BICRA: variants seen among roughly 807,000 people sequenced by gnomAD.
The protein encoded by BICRA is BRD4-interacting chromatin-remodeling complex-associated protein.
Under a neutral mutation model 96.9 loss-of-function variants are expected in BICRA, and 31 were observed. The ratio of observed to expected loss-of-function variants is 0.32; its 90% CI spans 0.24 to 0.43. The LOEUF (loss-of-function observed/expected upper bound fraction) is 0.43. Among genes scored for constraint, BICRA ranks in the 20% least tolerant of loss-of-function variants. The pLI is 1.00. For synonymous variants in BICRA, 1,350 were observed against 1,071.8 expected, an observed-to-expected ratio of 1.26 and a Z score of -5.07; for missense variants, 2,283 against 2,190.3, an observed-to-expected ratio of 1.04 and a Z score of -0.84.
At chr19:47,623,199 G>T (rs1269908608) in intron 1 of BICRA, among the ~76,000 whole-genome samples, 2 of 152,058 alleles carry the variant, frequency 1.3e-5, no homozygotes. Flanking sequence ...CTCCTGTGCT[G>T]GAGTGAATTG....
At chr19:47,617,074 C>A (rs183334289) in intron 1 of BICRA, among the ~76,000 whole-genome samples, 1 of 65,982 alleles carries the variant, frequency 1.5e-5, no homozygotes, top group Non-Finnish European at 3.2e-5. Context: ...GCAATCCACC[C>A]GCCTCAGCTT....
rs758154095 is a variant in BICRA, at chr19:47,701,611, C to T, written c.3879C>T (p.Asn1293=). The T allele has an allele frequency of 3.8e-6, 6 of 1,563,814 alleles. No homozygotes were observed. The African/African-American group carries it at 6.8e-5, about 18-fold the overall frequency. ...ADEDGPMPSR[N]RPPIKTYEAR... is the part of the protein sequence containing the mutation. ...AGGACGGCCCCATGCCCTCCCGCAA[C>T]CGCCCGCCCATCAAGACCTACGAGG... The change falls in exon 15 of 15, where the codon AAC becomes AAT. Residue 1293 remains asparagine (N), a synonymous_variant. Coordinates refer to ENST00000594866, the MANE Select transcript of BICRA (RefSeq NM_001394372.1). The surrounding 1 kb of genome is among the most constrained non-coding windows in gnomAD (Gnocchi z 5.4).
intron 4 of BICRA, among the ~76,000 whole-genome samples, chr19:47,674,634 G>T (rs1469271295): frequency 6.6e-6 from 1 of 152,192 alleles, no homozygotes; most frequent in Non-Finnish European, 1.5e-5. Flanking sequence ...TGTAGGCTGG[G>T]GCTGCAGTCA....
chr19:47,637,335 G>T (rs1972314736), intron 1 of BICRA, among the ~76,000 whole-genome samples: 1 of 151,892 alleles, frequency 6.6e-6, no homozygotes, highest in Non-Finnish European at 1.5e-5. Context: ...TAGCCAGGAT[G>T]GTCTCAGTCT....
chr19:47,680,157 A>C lies in BICRA; in HGVS notation c.987A>C (p.Pro329=). 1 of 1,529,270 alleles carries C rather than the reference A, an allele frequency of 6.5e-7. No individual in the cohort carries two copies. The highest frequency in any genetic ancestry group is 8.7e-7 in the Non-Finnish European group (1 of 1,147,062). 94.7% of individuals were successfully genotyped at this position (1,529,270 alleles called of 1,614,324 possible). ...TPSGQPLAVA[P]GLGSSPLVPA... ...CGGGACAGCCGCTGGCGGTGGCCCCAGGCCTCGGCTCGTCGCCACTGGTCC... is the reference window on the plus strand; with the variant it reads ...CGGGACAGCCGCTGGCGGTGGCCCCCGGCCTCGGCTCGTCGCCACTGGTCC... Residue 329 remains proline, a synonymous_variant, in exon 6 of 15, where the codon CCA becomes CCC. Coordinates refer to ENST00000594866, the MANE Select transcript of BICRA (RefSeq NM_001394372.1).
intron 7 of BICRA, among the ~76,000 whole-genome samples, chr19:47,686,232 A>T (rs1973157077): frequency 6.6e-6 from 1 of 151,892 alleles, no homozygotes; most frequent in Non-Finnish European, 1.5e-5. Context: ...TGCCCGGCAC[A>T]AGAATTTCAT....
chr19:47,693,632 G>A (rs1973274544), intron 7 of BICRA, among the ~76,000 whole-genome samples: 1 of 152,236 alleles, frequency 6.6e-6, no homozygotes, highest in South Asian at 2.1e-4. Context: ...GACTTGGCTG[G>A]ATGGGCTGGT....
rs775730252 is a variant in BICRA at position 47,682,075 on chromosome 19, G to A, written c.2206G>A (p.Ala736Thr). The change falls in exon 7 of 15, where the codon GCC (alanine) becomes ACC (threonine). Residue 736 changes from alanine to threonine, a missense_variant. Coordinates refer to ENST00000594866, the MANE Select transcript of BICRA (RefSeq NM_001394372.1). ...GCCTCCCGCCCAAGACCCAGCCCCA[G>A]CCACCCCCGTCGCCAAAGGAGCTGG... ...APPPAQDPAP[A>T]TPVAKGAGLG... 2.9e-5 allele frequency: 38 copies of A among 1,320,348 alleles called. No individual in the cohort carries two copies. The highest frequency in any genetic ancestry group is 3.8e-5 in the Non-Finnish European group (38 of 992,398). The allele number at this position is 1,320,348 out of a possible 1,614,324, so 81.8% of individuals were successfully genotyped here. A position where few individuals can be genotyped will look rare whatever the true frequency, so the allele number is the denominator to read the frequency against.
intron 1 of BICRA, among the ~76,000 whole-genome samples, chr19:47,632,398 C>G (rs1251689988): frequency 6.6e-6 from 1 of 152,200 alleles, no homozygotes; most frequent in African/African-American, 2.4e-5. Flanking sequence ...AATTCTCAGT[C>G]CTCGAGTCCT....
intron 1 of BICRA, among the ~76,000 whole-genome samples, chr19:47,617,769 G>T (rs1396568632): frequency 2.3e-5 from 2 of 86,670 alleles, no homozygotes; most frequent in Non-Finnish European, 4.7e-5. Context: ...ATTTTCTGCT[G>T]ATCTGATCTT....
intron 7 of BICRA, among the ~76,000 whole-genome samples, 185 bp downstream of exon 7, chr19:47,682,337 G>A (rs867632206): frequency 4.6e-5 from 7 of 152,196 alleles, no homozygotes; most frequent in Non-Finnish European, 2.9e-5. Flanking sequence ...GGCCGGCCCT[G>A]GGGGAGCCCA....
intron 7 of BICRA, among the ~76,000 whole-genome samples, chr19:47,692,120 CTT>C (rs1309335787): frequency 6.6e-6 from 1 of 152,122 alleles, no homozygotes; most frequent in African/African-American, 2.4e-5. Context: ...GGCCAGTTCT[CTT>C]TTCTCCGACT....
Position 47,694,110 on chromosome 19 carries a change from C to A in BICRA, c.2284-5C>A. 2.1e-6 allele frequency: 3 copies of A among 1,430,754 alleles called. No homozygotes were observed. The highest frequency in any genetic ancestry group is 2.0e-4 in the Middle Eastern group (1 of 4,934). 88.6% of individuals were successfully genotyped at this position (1,430,754 alleles called of 1,614,324 possible). A position where few individuals can be genotyped will look rare whatever the true frequency, so the allele number is the denominator to read the frequency against. On this transcript the variant is annotated splice_polypyrimidine_tract_variant and splice_region_variant and intron_variant, in intron 7 of 14. Transcript: ENST00000594866. ...CCCTCCCCTCTCCCTCCCTCCCCTG[C>A]CCAGATCCCGGCAGCGGCTCCGCTG...
chr19:47,647,026 C>T (rs2974248), intron 1 of BICRA, among the ~76,000 whole-genome samples: 171 of 152,298 alleles, frequency 1.1e-3, no homozygotes, highest in African/African-American at 4.0e-3. Context: ...TTGGACATTT[C>T]GTGGAAACAG....
intron 9 of BICRA, 40 bp from the exon 10 acceptor site, chr19:47,695,325 T>C: frequency 1.2e-6 from 1 of 823,130 alleles, no homozygotes; most frequent in Non-Finnish European, 2.0e-6. Flanking sequence ...CTTCATGCAG[T>C]GACCGCAGGC....
At chr19:47,692,341 C>T (rs1326846522) in intron 7 of BICRA, among the ~76,000 whole-genome samples, 1 of 152,176 alleles carries the variant, frequency 6.6e-6, no homozygotes, top group East Asian at 1.9e-4. Flanking sequence ...ATTCTCCAGC[C>T]TCAGTCTCCT....
chr19:47,666,899 A>G (rs1460052009), intron 1 of BICRA, among the ~76,000 whole-genome samples: 3 of 151,754 alleles, frequency 2.0e-5, no homozygotes, highest in African/African-American at 4.8e-5. Flanking sequence ...TTTGAAGTAA[A>G]ATTTTCCTGT....
chr19:47,625,083 T>A (rs1215543363), intron 1 of BICRA, among the ~76,000 whole-genome samples: 1 of 133,182 alleles, frequency 7.5e-6, no homozygotes, highest in Non-Finnish European at 1.5e-5. Context: ...CACTGCAACC[T>A]CCACCTCCTG....
At chr19:47,611,412 G>T (rs1039775324) in intron 1 of BICRA, among the ~76,000 whole-genome samples, 4 of 152,150 alleles carry the variant, frequency 2.6e-5, no homozygotes, top group African/African-American at 4.8e-5. Flanking sequence ...AGGAGTGGGG[G>T]AGGGGGAGCC....
Sources: gnomAD v4.1 joint callset for allele counts (sites outside exome capture counted in the v4.1 genomes callset) on GRCh38, gnomAD v4.1.1 for gene constraint, Gnocchi (gnomAD v3.1) non-coding constraint, MANE v1.5 for transcripts, NCBI Gene and HGNC (gene_info 2026-07-23, HGNC 2026-07-21) for gene names.